DYM: variants seen among roughly 807,000 people sequenced by gnomAD.
The protein encoded by DYM is dyggve-Melchior-Clausen syndrome protein.
A neutral mutation model predicts 93.1 loss-of-function variants in DYM; 78 were observed. That is an observed-to-expected ratio of 0.84 (90% CI 0.70 to 1.01). The LOEUF (loss-of-function observed/expected upper bound fraction) is 1.01, where lower values mean the gene tolerates loss of function less well. Among genes scored for constraint, DYM ranks in the 50% least tolerant of loss-of-function variants. DYM has a pLI of 0.00. For missense variants in DYM, 789 were observed against 845.0 expected (o/e 0.93, Z 0.82); for synonymous variants, 321 against 319.7 (o/e 1.00, Z -0.04).
chr18:49,080,088 CG>C (rs1309724403), intron 17 of DYM, among the ~76,000 whole-genome samples: 1 of 127,072 alleles, frequency 7.9e-6, no homozygotes, highest in Non-Finnish European at 1.6e-5. Context: ...ACCTCCCGGA[CG>C]GGGCGGCTGG....
intron 13 of DYM, among the ~76,000 whole-genome samples, chr18:49,234,500 G>A (rs1286620930): frequency 1.3e-5 from 2 of 152,040 alleles, no homozygotes; most frequent in African/African-American, 4.8e-5. Flanking sequence ...TTTATTGTTT[G>A]CCTCCTCCCC....
At chr18:49,158,443 A>G (rs1230179013) in intron 15 of DYM, among the ~76,000 whole-genome samples, 1 of 152,216 alleles carries the variant, frequency 6.6e-6, no homozygotes, top group East Asian at 1.9e-4. Context: ...AAAAGTGACA[A>G]CATGTGAAAG....
intron 8 of DYM, among the ~76,000 whole-genome samples, chr18:49,305,129 C>A (rs1243664365): frequency 6.6e-6 from 1 of 152,166 alleles, no homozygotes; most frequent in Non-Finnish European, 1.5e-5. Flanking sequence ...CTTCCCTCCT[C>A]ACCCAACTAG....
At chr18:49,314,159 A>G (rs978878870) in intron 8 of DYM, among the ~76,000 whole-genome samples, 1 of 152,184 alleles carries the variant, frequency 6.6e-6, no homozygotes, top group Non-Finnish European at 1.5e-5. Flanking sequence ...ACACAGAACC[A>G]CCTGTAAATA....
At chr18:49,326,116 C>G (rs761399018) in intron 8 of DYM, among the ~76,000 whole-genome samples, 8 of 152,186 alleles carry the variant, frequency 5.3e-5, no homozygotes, top group Non-Finnish European at 1.0e-4. Context: ...TCTAATGAAT[C>G]AGAAACTCCA....
intron 13 of DYM, among the ~76,000 whole-genome samples, chr18:49,246,060 T>A (rs188479832): frequency 1.8e-3 from 279 of 152,334 alleles, no homozygotes; most frequent in African/African-American, 6.4e-3. Context: ...AGGACAGTAG[T>A]CCCAGTTTGT....
rs184675340 is a variant in DYM at position 49,355,309 on chromosome 18, T to C, written c.494+7852A>G. Reference sequence around the variant, plus strand: ...TATGCATTGATATCTATCATAGATATCATAGATAGACATCAATGTATAGAC... The same window carrying C: ...TATGCATTGATATCTATCATAGATACCATAGATAGACATCAATGTATAGAC... On this transcript the variant is annotated intron_variant, in intron 6 of 17. Transcript: ENST00000675505. 8.5e-5 allele frequency among the ~76,000 whole-genome samples: 13 copies of C among 152,048 alleles called. No individual in the cohort carries two copies. In the East Asian group the frequency reaches 2.5e-3, roughly 29 times the overall value.
chr18:49,058,056 A>G (rs1241535220), intron 17 of DYM, among the ~76,000 whole-genome samples: 1 of 152,264 alleles, frequency 6.6e-6, no homozygotes, highest in Admixed American at 6.5e-5. Flanking sequence ...TTCTCCAAGC[A>G]GTCCCAGAGA....
intron 6 of DYM, among the ~76,000 whole-genome samples, chr18:49,338,889 T>A (rs1432338125): frequency 2.0e-5 from 3 of 151,966 alleles, no homozygotes; most frequent in African/African-American, 7.3e-5. Context: ...AAGGCAAAAA[T>A]TACACATTAA....
intron 13 of DYM, among the ~76,000 whole-genome samples, chr18:49,220,227 A>G (rs1334339631): frequency 1.3e-5 from 2 of 151,794 alleles, no homozygotes; most frequent in Admixed American, 6.6e-5. Flanking sequence ...AAGGAGAACT[A>G]CAAACCACTG....
At chr18:49,256,913 G>A in intron 13 of DYM, 97 bp downstream of exon 13, 2 of 1,004,386 alleles carry the variant, frequency 2.0e-6, no homozygotes, top group African/African-American at 1.6e-5. Flanking sequence ...AAATTTGATA[G>A]TCCTCACAGG....
intron 17 of DYM, among the ~76,000 whole-genome samples, chr18:49,095,657 T>C (rs540554950): frequency 1.8e-4 from 28 of 152,280 alleles, no homozygotes; most frequent in African/African-American, 6.7e-4. Flanking sequence ...GGACCCACCA[T>C]AGATCAATTA....
At chr18:49,145,782 T>C (rs978035977) in intron 15 of DYM, among the ~76,000 whole-genome samples, 12 of 152,326 alleles carry the variant, frequency 7.9e-5, no homozygotes, top group African/African-American at 2.9e-4. Context: ...GTAGAAGATT[T>C]ATCTGTTTGT....
At chr18:49,120,092 A>AG (rs943781338) in intron 15 of DYM, among the ~76,000 whole-genome samples, 7 of 150,954 alleles carry the variant, frequency 4.6e-5, no homozygotes, top group Non-Finnish European at 4.4e-5. Context: ...AAAAAAAAAA[A>AG]AAAGAAAAAA....
At position 49,434,178 on chromosome 18, in the gene DYM, T is replaced by C. The variant is rs545658687; in HGVS notation, c.-53-3731A>G. Among the ~76,000 whole-genome samples, 3 of 152,090 alleles carry C rather than the reference T, an allele frequency of 2.0e-5. No individual in the cohort carries two copies. The East Asian group carries it at 5.8e-4, about 29-fold the overall frequency. On this transcript the variant is annotated intron_variant, in intron 1 of 17. Transcript: ENST00000675505. ...GGCCAACATGGTGAAACCCCGTCTC[T>C]ACTAAAATACAAAAAAAAATTAGCC...
intron 14 of DYM, chr18:49,206,084 C>T (rs1241527362): frequency 7.3e-5 from 16 of 220,488 alleles, no homozygotes; most frequent in African/African-American, 2.4e-4. Flanking sequence ...CTGCAACCTC[C>T]GTCTCCCAGG....
intron 10 of DYM, among the ~76,000 whole-genome samples, chr18:49,279,240 C>G (rs2094915108): frequency 6.6e-6 from 1 of 152,172 alleles, no homozygotes; most frequent in African/African-American, 2.4e-5. Flanking sequence ...AGTTAGCCAA[C>G]ACCTGTCGCT....
At chr18:49,163,912 C>T (rs572596118) in intron 14 of DYM, 125 bp from the exon 15 acceptor site, 34 of 687,096 alleles carry the variant, frequency 4.9e-5, no homozygotes, top group Middle Eastern at 8.0e-4. Flanking sequence ...ATTCTTTCTT[C>T]ATGCCTGTGT....
At chr18:49,257,700 TAGTC>T (rs919106342) in intron 12 of DYM, among the ~76,000 whole-genome samples, 11 of 151,222 alleles carry the variant, frequency 7.3e-5, no homozygotes, top group African/African-American at 2.7e-4. Context: ...AAAAAAAAAT[TAGTC>T]AGGTGTAGTG....
Sources: gnomAD v4.1 joint callset for allele counts (sites outside exome capture counted in the v4.1 genomes callset) on GRCh38, gnomAD v4.1.1 for gene constraint, MANE v1.5 for transcripts, NCBI Gene and HGNC (gene_info 2026-07-23, HGNC 2026-07-21) for gene names.